FANCL: variants seen among roughly 807,000 people sequenced by gnomAD.
FANCL encodes E3 ubiquitin-protein ligase FANCL.
Under a neutral mutation model 59.4 loss-of-function variants are expected in FANCL, and 69 were observed. That is an observed-to-expected ratio of 1.16 (90% CI 0.96 to 1.42). The LOEUF (loss-of-function observed/expected upper bound fraction) is 1.42, where lower values mean the gene tolerates loss of function less well. FANCL is among the 40% of genes most tolerant of loss of function. The pLI, the probability that FANCL is intolerant of heterozygous loss-of-function variation, is 0.00. For synonymous variants in FANCL, 180 were observed against 147.1 expected, an observed-to-expected ratio of 1.22 and a Z score of -1.62; for missense variants, 519 against 447.2, an observed-to-expected ratio of 1.16 and a Z score of -1.45.
At chr2:58,174,945 A>C (rs1687122969) in intron 7 of FANCL, among the ~76,000 whole-genome samples, 1 of 152,172 alleles carries the variant, frequency 6.6e-6, no homozygotes, top group Non-Finnish European at 1.5e-5. Context: ...AAAATGATAA[A>C]GGGTACATCA....
At chr2:58,225,950 A>G (rs1692959533) in intron 4 of FANCL, among the ~76,000 whole-genome samples, 1 of 152,072 alleles carries the variant, frequency 6.6e-6, no homozygotes, top group Admixed American at 6.5e-5. Flanking sequence ...AATACAAACA[A>G]AGCAGCTATA....
chr2:58,196,890 C>G (rs1039533567), intron 7 of FANCL, among the ~76,000 whole-genome samples: 7 of 151,728 alleles, frequency 4.6e-5, no homozygotes, highest in African/African-American at 1.7e-4. Context: ...TTCTCATGAT[C>G]TCACTTAAAA....
chr2:58,216,897 C>T (rs894237383), intron 5 of FANCL, among the ~76,000 whole-genome samples: 24 of 151,818 alleles, frequency 1.6e-4, no homozygotes, highest in African/African-American at 4.8e-4. Flanking sequence ...TACCATCCTT[C>T]ATGATTCCTG....
At chr2:58,239,592 T>C (rs578155567) in intron 1 of FANCL, among the ~76,000 whole-genome samples, 3 of 152,230 alleles carry the variant, frequency 2.0e-5, no homozygotes, top group Non-Finnish European at 4.4e-5. Flanking sequence ...ATTTGAAATA[T>C]GGACTCTATC....
At chr2:58,220,081 C>CT (rs1252676245) in intron 5 of FANCL, among the ~76,000 whole-genome samples, 3 of 151,830 alleles carry the variant, frequency 2.0e-5, no homozygotes, top group Admixed American at 2.0e-4. Context: ...ATTACAGAGA[C>CT]TTTAAGCAGT....
At chr2:58,183,923 A>G (rs902335675) in intron 7 of FANCL, among the ~76,000 whole-genome samples, 3 of 152,024 alleles carry the variant, frequency 2.0e-5, no homozygotes, top group Non-Finnish European at 4.4e-5. Context: ...GATCTTAAGC[A>G]AGACATACTC....
intron 7 of FANCL, among the ~76,000 whole-genome samples, chr2:58,189,363 T>C (rs1276200810): frequency 6.6e-6 from 1 of 152,194 alleles, no homozygotes; most frequent in Non-Finnish European, 1.5e-5. Flanking sequence ...AGCTTCTCGT[T>C]AGTTTTCTCA....
chr2:58,203,611 TATAA>T lies in FANCL; in HGVS notation c.471+515_471+518del, dbSNP rs200388525. On this transcript the variant is annotated intron_variant, in intron 6 of 13. Coordinates refer to ENST00000233741, the MANE Select transcript of FANCL (RefSeq NM_018062.4). ...ATAGATCACTATCCTATAAGGGATC[TATAA>T]ATAGAGGCATAACCTCTGCAAATTC... is the stretch of plus-strand genomic sequence containing the variant. 4.0e-3 allele frequency among the ~76,000 whole-genome samples: 603 copies of T among 152,186 alleles called. 2 individuals carry two copies. The highest frequency in any genetic ancestry group is 0.013 in the African/African-American group (530 of 41,556).
chr2:58,163,954 G>A (rs1203330767), intron 8 of FANCL, among the ~76,000 whole-genome samples: 1 of 151,382 alleles, frequency 6.6e-6, no homozygotes, highest in Non-Finnish European at 1.5e-5. Flanking sequence ...TACAGTAAAT[G>A]GTAAAAACAA....
intron 1 of FANCL, among the ~76,000 whole-genome samples, chr2:58,241,015 C>G (rs898633555): frequency 1.3e-5 from 2 of 152,240 alleles, no homozygotes; most frequent in African/African-American, 4.8e-5. Context: ...CGCGCCTCCT[C>G]GCTCCCCATC....
chr2:58,192,161 T>A (rs1238545569), intron 7 of FANCL, among the ~76,000 whole-genome samples: 1 of 151,938 alleles, frequency 6.6e-6, no homozygotes, highest in Non-Finnish European at 1.5e-5. Context: ...ACTAGTTTCT[T>A]TGGGTCTTTA....
intron 5 of FANCL, among the ~76,000 whole-genome samples, chr2:58,207,657 A>T (rs1690727454): frequency 6.6e-6 from 1 of 152,188 alleles, no homozygotes; most frequent in Admixed American, 6.5e-5. Context: ...TATTTGTATC[A>T]ATTTATGACA....
intron 7 of FANCL, among the ~76,000 whole-genome samples, chr2:58,184,940 T>C (rs1688260354): frequency 6.6e-6 from 1 of 152,138 alleles, no homozygotes; most frequent in Non-Finnish European, 1.5e-5. Context: ...AAGGTCCGTG[T>C]TGAAGGCACA....
intron 5 of FANCL, among the ~76,000 whole-genome samples, chr2:58,210,393 C>T (rs1691016568): frequency 6.6e-6 from 1 of 152,052 alleles, no homozygotes; most frequent in African/African-American, 2.4e-5. Context: ...TATTCATTAC[C>T]ATGAGAACAA....
intron 1 of FANCL, among the ~76,000 whole-genome samples, chr2:58,238,975 A>C (rs1487664692): frequency 6.6e-6 from 1 of 152,160 alleles, no homozygotes; most frequent in Non-Finnish European, 1.5e-5. Context: ...AATGATTATA[A>C]TCAAGTAATT....
intron 7 of FANCL, among the ~76,000 whole-genome samples, chr2:58,173,043 G>C (rs1686843512): frequency 6.6e-6 from 1 of 152,204 alleles, no homozygotes; most frequent in African/African-American, 2.4e-5. Flanking sequence ...ATCAGTGACG[G>C]AAGATGAAGT....
intron 6 of FANCL, among the ~76,000 whole-genome samples, chr2:58,203,204 G>A (rs1359062745): frequency 6.6e-6 from 1 of 151,804 alleles, no homozygotes; most frequent in Non-Finnish European, 1.5e-5. Context: ...GTGTGTGAGA[G>A]AATTAGTCAT....
intron 9 of FANCL, 112 bp from the exon 10 acceptor site, chr2:58,163,186 T>G: frequency 1.0e-6 from 1 of 988,194 alleles, no homozygotes; most frequent in South Asian, 1.5e-5. Flanking sequence ...CAAAATTATA[T>G]GTATTATGTT....
chr2:58,221,123 G>A (rs1189610667), intron 5 of FANCL, among the ~76,000 whole-genome samples: 1 of 152,010 alleles, frequency 6.6e-6, no homozygotes, highest in African/African-American at 2.4e-5. Context: ...TGAGGCAGGG[G>A]AATGGCGTGA....
Sources: allele counts gnomAD v4.1 joint callset (sites outside exome capture counted in the v4.1 genomes callset), GRCh38; gene constraint gnomAD v4.1.1; transcripts MANE v1.5; gene names NCBI Gene and HGNC (gene_info 2026-07-23, HGNC 2026-07-21).